Variants in SNX5 observed in about 807,000 individuals in gnomAD.
SNX5 encodes the protein sorting nexin-5.
Under a neutral mutation model 53.9 loss-of-function variants are expected in SNX5, and 31 were observed. The ratio of observed to expected loss-of-function variants is 0.58; its 90% CI spans 0.43 to 0.78. The LOEUF is 0.78. Ranked by LOEUF, SNX5 falls within the 30% of genes least tolerant of loss-of-function variation. The pLI, the probability that SNX5 is intolerant of heterozygous loss-of-function variation, is 0.00. For synonymous variants in SNX5, 168 were observed against 171.1 expected (o/e 0.98, Z 0.14); for missense variants, 471 against 478.8 (o/e 0.98, Z 0.15).
rs1034021590 is a variant in SNX5, at chr20:17,948,951, T to A, written c.857A>T (p.Asp286Val). ...GAGCTCTGTTAGCTTCAAATCTTCATCTGATGAAACTCGACCCTCTACTTT... is the reference window on the plus strand; with the variant it reads ...GAGCTCTGTTAGCTTCAAATCTTCAACTGATGAAACTCGACCCTCTACTTT... ...LRKVEGRVSS[D>V]EDLKLTELLR... is the part of the protein sequence containing the mutation. The change falls in exon 10 of 13, where the codon GAT becomes GTT. Residue 286 changes from aspartate to valine, a missense_variant. By Grantham distance (152) the Asp-to-Val change is radical. Coordinates refer to ENST00000377759, the MANE Select transcript of SNX5 (RefSeq NM_014426.4). The A allele has an allele frequency of 6.2e-7, 1 of 1,612,498 alleles. No individual in the cohort carries two copies. The highest frequency in any genetic ancestry group is 1.1e-5 in the South Asian group (1 of 91,008).
At chr20:17,942,622 G>C (rs1391646807) in intron 12 of SNX5, 3 of 582,990 alleles carry the variant, frequency 5.1e-6, no homozygotes, top group South Asian at 2.0e-5. Context: ...AAGGCTACCA[G>C]CCAAAGAGCC....
In SNX5 at chr20:17,958,002, CAA is replaced by C. The variant is rs59621613; in HGVS notation, c.52-967_52-966del. ...ACTACCTAACTCCATTTCTGCCCGT[CAA>C]AAAAAAAAAAAAAAAAAAGAGAGGA... On this transcript the variant is annotated intron_variant, in intron 1 of 12. Coordinates refer to ENST00000377759, the MANE Select transcript of SNX5 (RefSeq NM_014426.4). Among the ~76,000 whole-genome samples the C allele has an allele frequency of 3.8e-3, 411 of 107,794 alleles. 4 individuals are homozygous for C. The East Asian group carries it at 0.061, about 16-fold the overall frequency. 70.7% of individuals were successfully genotyped at this position (107,794 alleles called of 152,430 possible). A position where few individuals can be genotyped will look rare whatever the true frequency, so the allele number is the denominator to read the frequency against.
At chr20:17,943,385 A>G (rs2039443819) in intron 11 of SNX5, 190 bp from the exon 12 acceptor site, 1 of 558,088 alleles carries the variant, frequency 1.8e-6, no homozygotes, top group Non-Finnish European at 3.2e-6. Flanking sequence ...TACAGCTATC[A>G]CTGTCTTTAA....
chr20:17,963,258 T>C (rs2035486900), intron 1 of SNX5, among the ~76,000 whole-genome samples: 1 of 151,970 alleles, frequency 6.6e-6, no homozygotes, highest in Non-Finnish European at 1.5e-5. Flanking sequence ...GGCAGGAGGA[T>C]CGCCCGCGGC....
intron 2 of SNX5, among the ~76,000 whole-genome samples, chr20:17,955,910 C>T (rs6034923): frequency 4.6e-5 from 7 of 152,192 alleles, no homozygotes. Context: ...ATCCTCCCAC[C>T]TCAGCCTCCT....
intron 1 of SNX5, chr20:17,962,330 G>T (rs1478372640): frequency 1.5e-5 from 3 of 201,654 alleles, no homozygotes; most frequent in Non-Finnish European, 3.0e-5. Flanking sequence ...TCAGCCTCCT[G>T]AGTAGCTGGG....
chr20:17,949,185 G>C, intron 8 of SNX5, 82 bp from the exon 9 acceptor site: 1 of 1,134,620 alleles, frequency 8.8e-7, no homozygotes, highest in East Asian at 2.3e-5. Flanking sequence ...GACAGGAATG[G>C]GTCAACTCAG....
chr20:17,963,104 A>T (rs1208202728), intron 1 of SNX5, among the ~76,000 whole-genome samples: 1 of 152,216 alleles, frequency 6.6e-6, no homozygotes, highest in Non-Finnish European at 1.5e-5. Context: ...TGAACTAATG[A>T]TCTGTAAGGA....
chr20:17,950,407 GA>G lies in SNX5; in HGVS notation c.610-12del. 5.4e-6 allele frequency: 8 copies of G among 1,473,376 alleles called. No individual in the cohort carries two copies. Among genetic ancestry groups the G allele is most frequent in the South Asian group, 2.3e-5 (2 of 85,422 alleles). 91.3% of individuals were successfully genotyped at this position (1,473,376 alleles called of 1,614,324 possible). A position where few individuals can be genotyped will look rare whatever the true frequency, so the allele number is the denominator to read the frequency against. ...GAAGTCATCTACCTCCTAGAAGGAA[GA>G]AAAAAAGAACCAGACATTTCATGAA... On this transcript the variant is annotated splice_polypyrimidine_tract_variant and intron_variant, in intron 6 of 12. Coordinates refer to ENST00000377759, the MANE Select transcript of SNX5 (RefSeq NM_014426.4).
At chr20:17,957,639 T>A (rs1181682252) in intron 1 of SNX5, among the ~76,000 whole-genome samples, 1 of 152,032 alleles carries the variant, frequency 6.6e-6, no homozygotes, top group Non-Finnish European at 1.5e-5. Context: ...AGGCCTGAAC[T>A]AAATAGAACA....
chr20:17,943,886 G>A (rs1196973762), intron 11 of SNX5: 1 of 152,114 alleles, frequency 6.6e-6, no homozygotes, highest in Non-Finnish European at 1.5e-5. Context: ...TATCTCAATG[G>A]GATATCCGTA....
intron 1 of SNX5, among the ~76,000 whole-genome samples, chr20:17,959,914 C>T (rs1353077452): frequency 6.6e-6 from 1 of 152,134 alleles, no homozygotes; most frequent in African/African-American, 2.4e-5. Flanking sequence ...CCTCCATCCC[C>T]CCTTAAGCTT....
rs2039430335 is a variant in SNX5, at chr20:17,942,423, G to A, written c.1165-16C>T. On this transcript the variant is annotated splice_polypyrimidine_tract_variant and intron_variant, in intron 12 of 12. Coordinates refer to ENST00000377759, the MANE Select transcript of SNX5 (RefSeq NM_014426.4). The stretch of plus-strand genomic sequence containing the variant: ...AGACATTGTTCTGTGGGGAAAAAAG[G>A]CAAGGCAGACCAGTGAATTATTAAA... The A allele has an allele frequency of 6.2e-7, 1 of 1,603,352 alleles. No homozygotes were observed. Among genetic ancestry groups the A allele is most frequent in the South Asian group, 1.1e-5 (1 of 90,834 alleles).
At chr20:17,954,213 C>T in intron 3 of SNX5, 96 bp from the exon 4 acceptor site, 5 of 1,540,620 alleles carry the variant, frequency 3.2e-6, no homozygotes, top group South Asian at 1.3e-5. Flanking sequence ...CAGGAGACAA[C>T]CACTCCACTC....
At chr20:17,957,977 A>C (rs1043426997) in intron 1 of SNX5, among the ~76,000 whole-genome samples, 1 of 149,182 alleles carries the variant, frequency 6.7e-6, no homozygotes, top group Non-Finnish European at 1.5e-5. Flanking sequence ...GAGGAAAAAA[A>C]CTACCTAACT....
chr20:17,957,968 A>AG (rs1038869296), intron 1 of SNX5, among the ~76,000 whole-genome samples: 3 of 148,708 alleles, frequency 2.0e-5, no homozygotes, highest in African/African-American at 5.0e-5. Flanking sequence ...GGAAATTGAG[A>AG]GGAAAAAAAC....
Position 17,967,014 on chromosome 20 carries a change from G to A in SNX5, c.51+1361C>T, listed in dbSNP as rs563250663. On this transcript the variant is annotated intron_variant, in intron 1 of 12. Coordinates refer to ENST00000377759, the MANE Select transcript of SNX5 (RefSeq NM_014426.4). ...ATGTAACTCTCTTCGCTACAGATAC[G>A]GACAGTTTCTGTAGCCTCTAAAACA... Among the ~76,000 whole-genome samples, 6 of 152,208 alleles carry A rather than the reference G, an allele frequency of 3.9e-5. No homozygotes were observed. In the South Asian group the frequency reaches 1.2e-3, roughly 32 times the overall value.
chr20:17,947,286 A>T (rs1240555201), intron 11 of SNX5, 200 bp downstream of exon 11: 1 of 552,408 alleles, frequency 1.8e-6, no homozygotes, highest in East Asian at 3.2e-5. Context: ...CTCCAATGGT[A>T]CAGAAAAACC....
In SNX5 at chr20:17,948,980, T is replaced by G. The variant is rs143712055; in HGVS notation, c.832-4A>C. 24 of 1,612,368 alleles carry G rather than the reference T, an allele frequency of 1.5e-5. No individual in the cohort carries two copies. In the East Asian group the frequency reaches 5.3e-4, roughly 36 times the overall value. On this transcript the variant is annotated splice_region_variant and splice_polypyrimidine_tract_variant and intron_variant, in intron 9 of 12. Coordinates refer to ENST00000377759, the MANE Select transcript of SNX5 (RefSeq NM_014426.4). ...ATGAAACTCGACCCTCTACTTTCTATATAGAAAAGGAAAGGTCACCATCAA... is the reference window on the plus strand; with the variant it reads ...ATGAAACTCGACCCTCTACTTTCTAGATAGAAAAGGAAAGGTCACCATCAA...
Sources: gnomAD v4.1 joint callset for allele counts (sites outside exome capture counted in the v4.1 genomes callset) on GRCh38, gnomAD v4.1.1 for gene constraint, MANE v1.5 for transcripts, NCBI Gene and HGNC (gene_info 2026-07-23, HGNC 2026-07-21) for gene names.